The following NPAS4 variants were observed in gnomAD, a reference collection of about 807,000 sequenced individuals.
NPAS4 encodes the protein neuronal PAS domain-containing protein 4.
A neutral mutation model predicts 64.0 loss-of-function variants in NPAS4; 10 were observed. The observed-to-expected ratio is 0.16, with a 90% confidence interval of 0.10 to 0.26. NPAS4 has a LOEUF of 0.26. NPAS4 is among the 10% of genes least tolerant of loss of function. The pLI, the probability that NPAS4 is intolerant of heterozygous loss-of-function variation, is 1.00. For missense variants in NPAS4, 886 were observed against 992.6 expected, an observed-to-expected ratio of 0.89 and a Z score of 1.44; for synonymous variants, 441 against 411.7, an observed-to-expected ratio of 1.07 and a Z score of -0.86.
At chr11:66,421,982 C>T in intron 1 of NPAS4, 138 bp from the exon 2 acceptor site, 1 of 712,594 alleles carries the variant, frequency 1.4e-6, no homozygotes, top group South Asian at 1.8e-5. Flanking sequence ...GAGCTGCGGG[C>T]AGCGGGTCAA....
At chr11:66,413,623 T>G in the NPAS4 span, among the ~76,000 whole-genome samples, 3 of 152,348 alleles carry the variant, frequency 2.0e-5, no homozygotes, top group East Asian at 5.8e-4. Context: ...TGGCTTCTTT[T>G]GTGGCTACCT....
At chr11:66,423,424 G>A in intron 5 of NPAS4, 154 bp from the exon 6 acceptor site, 1 of 897,548 alleles carries the variant, frequency 1.1e-6, no homozygotes, top group Non-Finnish European at 1.8e-6. Flanking sequence ...ACTCTGAGTG[G>A]TGAGGTCAAG....
rs756792408 is a variant in NPAS4 at position 66,423,207 on chromosome 11, C to T, written c.783C>T (p.His261=). Residue 261 remains histidine, a synonymous_variant, in exon 5 of 8, where the codon CAC becomes CAT. Coordinates refer to ENST00000311034, the MANE Select transcript of NPAS4 (RefSeq NM_178864.4). ...YGLLHPEDLA[H]ASAQHYRLLA... ...TGCTGCACCCCGAGGACCTGGCCCACGCTTCTGCTCAACACTACCGCCTGT... is the reference window on the plus strand; with the variant it reads ...TGCTGCACCCCGAGGACCTGGCCCATGCTTCTGCTCAACACTACCGCCTGT... The T allele has an allele frequency of 6.2e-6, 10 of 1,608,084 alleles. No individual in the cohort carries two copies. Among genetic ancestry groups the T allele is most frequent in the East Asian group, 2.2e-5 (1 of 44,862 alleles).
the NPAS4 span, among the ~76,000 whole-genome samples, chr11:66,414,405 C>T: frequency 1.3e-4 from 20 of 152,248 alleles, 2 homozygotes; most frequent in South Asian, 3.5e-3. Context: ...TCAGCCCTGC[C>T]TTCAGGACAT....
the NPAS4 span, among the ~76,000 whole-genome samples, chr11:66,411,524 C>T: frequency 6.6e-6 from 1 of 152,172 alleles, no homozygotes; most frequent in Non-Finnish European, 1.5e-5. Context: ...ACCTTGGACT[C>T]CTTGGCAGAA....
rs374801923 is a variant in NPAS4 at position 66,422,288 on chromosome 11, C to A, written c.327+17C>A. On this transcript the variant is annotated intron_variant, in intron 2 of 7. Coordinates refer to ENST00000311034, the MANE Select transcript of NPAS4 (RefSeq NM_178864.4). ...CACTCCATGGTGAGTGCTAAGGGTC[C>A]TTTCAGCTGAGGCTGGGCATGGAGT... 5.0e-6 allele frequency: 8 copies of A among 1,613,284 alleles called. No individual in the cohort carries two copies. The African/African-American group carries it at 5.3e-5, about 11-fold the overall frequency.
At position 66,424,003 on chromosome 11, in the gene NPAS4, A is replaced by G; in HGVS notation, c.1113A>G (p.Arg371=). The change falls in exon 7 of 8, where the codon AGA becomes AGG. Residue 371 remains arginine, a synonymous_variant. Transcript: ENST00000311034. ...TCACCGCAGCACTGGGGGCTCCCAG[A>G]AGCACCAGCTTCCCCAGTGCTCCTG... is the stretch of plus-strand genomic sequence containing the variant. The part of the protein sequence containing the change: ...PLFTAALGAP[R]STSFPSAPEL... 6.2e-7 allele frequency: 1 copy of G among 1,614,096 alleles called. No homozygotes were observed. The highest frequency in any genetic ancestry group is 8.5e-7 in the Non-Finnish European group (1 of 1,179,998).
Position 66,426,055 on chromosome 11 carries a change from C to A in NPAS4, c.*66C>A. 8.3e-7 allele frequency: 1 copy of A among 1,201,194 alleles called. No homozygotes were observed. Among genetic ancestry groups the A allele is most frequent in the Non-Finnish European group, 1.2e-6 (1 of 807,894 alleles). The allele number at this position is 1,201,194 out of a possible 1,614,324, so 74.4% of individuals were successfully genotyped here. A position where few individuals can be genotyped will look rare whatever the true frequency, so the allele number is the denominator to read the frequency against. ...CATCAAGACGTGGAGCCGCTCTCCA[C>A]CCCCCCGGGACTGTTGGGGGGATTC... On this transcript the variant is annotated 3_prime_UTR_variant, in exon 8 of 8. Transcript: ENST00000311034.
At chr11:66,410,363 T>A in the NPAS4 span, 1 of 152,228 alleles carries the variant, frequency 6.6e-6, no homozygotes, top group African/African-American at 2.4e-5. Flanking sequence ...CCTGGGACCT[T>A]GAAAGGTGCT....
At position 66,423,246 on chromosome 11, in the gene NPAS4, G is replaced by C; in HGVS notation, c.808+14G>C. 1 of 1,542,624 alleles carries C rather than the reference G, an allele frequency of 6.5e-7. No homozygotes were observed. Among genetic ancestry groups the C allele is most frequent in the Non-Finnish European group, 8.9e-7 (1 of 1,121,890 alleles). On this transcript the variant is annotated intron_variant, in intron 5 of 7. Coordinates refer to ENST00000311034, the MANE Select transcript of NPAS4 (RefSeq NM_178864.4). ...ACTACCGCCTGTGTGAGTGTCCAGA[G>C]AGGCTGGGGACAAGATAGCAAGCTG...
At chr11:66,414,816 C>A in the NPAS4 span, among the ~76,000 whole-genome samples, 10 of 152,128 alleles carry the variant, frequency 6.6e-5, no homozygotes, top group Admixed American at 4.6e-4. Context: ...GTTAGAAAAC[C>A]TTTCCCTGGT....
chr11:66,418,030 T>A (rs1240874786), upstream of NPAS4, among the ~76,000 whole-genome samples: 1 of 152,076 alleles, frequency 6.6e-6, no homozygotes, highest in African/African-American at 2.4e-5. Flanking sequence ...AGAGTCTGGC[T>A]CTTTTCCTTC....
the NPAS4 span, among the ~76,000 whole-genome samples, chr11:66,412,440 A>C: frequency 6.6e-6 from 1 of 152,262 alleles, no homozygotes; most frequent in South Asian, 2.1e-4. Flanking sequence ...GGCCTGGATC[A>C]AAGCTGCCGG....
At chr11:66,423,482 C>T in intron 5 of NPAS4, 96 bp from the exon 6 acceptor site, 1 of 1,448,224 alleles carries the variant, frequency 6.9e-7, no homozygotes, top group Non-Finnish European at 9.6e-7. Context: ...GAGAGGATGT[C>T]ACGGCTATCT....
rs374439028 is a variant in NPAS4 at position 66,425,871 on chromosome 11, C to T, written c.2381-90C>T. On this transcript the variant is annotated intron_variant, in intron 7 of 7. Transcript: ENST00000311034. The stretch of plus-strand genomic sequence containing the variant: ...CATCATTGAGCCAATATCTTTGAAG[C>T]CTATACTAATACCAACACATTCTCA... 3.7e-5 allele frequency: 36 copies of T among 969,910 alleles called. No individual in the cohort carries two copies. The African/African-American group carries it at 4.9e-4, about 13-fold the overall frequency. 60.1% of individuals were successfully genotyped at this position (969,910 alleles called of 1,614,324 possible). A position where few individuals can be genotyped will look rare whatever the true frequency, so the allele number is the denominator to read the frequency against.
chr11:66,424,666 C>T lies in NPAS4; in HGVS notation c.1776C>T (p.Ala592=). 1.2e-6 allele frequency: 2 copies of T among 1,613,804 alleles called. No homozygotes were observed. Among genetic ancestry groups the T allele is most frequent in the Non-Finnish European group, 8.5e-7 (1 of 1,179,734 alleles). Residue 592 remains alanine, a synonymous_variant, in exon 7 of 8, where the codon GCC becomes GCT. Coordinates refer to ENST00000311034, the MANE Select transcript of NPAS4 (RefSeq NM_178864.4). The stretch of plus-strand genomic sequence containing the variant: ...GGGACTGCACGCTCTTGGCCCTAGC[C>T]CAGCTCCGGGGCCCCCTCTCTGTGG... The part of the protein sequence containing the change: ...GNGDCTLLAL[A]QLRGPLSVDV...
intron 5 of NPAS4, 36 bp from the exon 6 acceptor site, chr11:66,423,542 G>C (rs766607003): frequency 6.2e-7 from 1 of 1,612,276 alleles, no homozygotes; most frequent in Non-Finnish European, 8.5e-7. Flanking sequence ...GAATTGCCTG[G>C]TGGACATCCT....
rs1341877369 is a variant in NPAS4 at position 66,423,164 on chromosome 11, G to A, written c.740G>A (p.Cys247Tyr). The A allele has an allele frequency of 6.2e-7, 1 of 1,611,674 alleles. No individual in the cohort carries two copies. Residue 247 changes from cysteine to tyrosine, a missense_variant, in exon 5 of 8, where the codon TGT (cysteine) becomes TAT (tyrosine). Cys to Tyr is a radical substitution (Grantham distance 194). Coordinates refer to ENST00000311034, the MANE Select transcript of NPAS4 (RefSeq NM_178864.4). ...GGCTTTGAGCGCAGTGAACTGCTTT[G>A]TAAATCATGGTATGGACTGCTGCAC... ...YLGFERSELL[C>Y]KSWYGLLHPE... is the part of the protein sequence containing the mutation.
the NPAS4 span, among the ~76,000 whole-genome samples, chr11:66,415,140 T>C: frequency 6.6e-6 from 1 of 152,180 alleles, no homozygotes; most frequent in African/African-American, 2.4e-5. Flanking sequence ...AGGGATGGAA[T>C]GGGGTACCCT....
Sources: gnomAD v4.1 joint callset for allele counts (sites outside exome capture counted in the v4.1 genomes callset) on GRCh38, gnomAD v4.1.1 for gene constraint, MANE v1.5 for transcripts, NCBI Gene and HGNC (gene_info 2026-07-23, HGNC 2026-07-21) for gene names.